Variants in ABTB2 observed in about 807,000 individuals in gnomAD.
The protein encoded by ABTB2 is ankyrin repeat and BTB domain containing 2.
In ABTB2, 56 loss-of-function variants were observed where a neutral mutation model predicts 104.1. That is an observed-to-expected ratio of 0.54 (90% CI 0.43 to 0.67). The LOEUF (loss-of-function observed/expected upper bound fraction) is 0.67, where lower values mean the gene tolerates loss of function less well. Among genes scored for constraint, ABTB2 ranks in the 30% least tolerant of loss-of-function variants. The pLI is 0.00. For missense variants in ABTB2, 1,279 were observed against 1,407.7 expected (o/e 0.91, Z 1.46); for synonymous variants, 606 against 608.2 (o/e 1.00, Z 0.05).
intron 14 of ABTB2, among the ~76,000 whole-genome samples, chr11:34,158,077 T>C (rs1439128950): frequency 1.3e-5 from 2 of 152,244 alleles, no homozygotes; most frequent in Non-Finnish European, 2.9e-5. Context: ...CTTAGAACCC[T>C]GCCTGCCTAA....
At chr11:34,272,397 G>C (rs1204027882) in intron 1 of ABTB2, among the ~76,000 whole-genome samples, 2 of 147,864 alleles carry the variant, frequency 1.4e-5, no homozygotes, top group African/African-American at 4.9e-5. Context: ...GAGTATAATA[G>C]CAAAACTAAA....
chr11:34,293,271 T>C (rs2133094082), intron 1 of ABTB2, among the ~76,000 whole-genome samples: 2 of 151,152 alleles, frequency 1.3e-5, no homozygotes, highest in East Asian at 3.9e-4. Flanking sequence ...AGGACTGCAG[T>C]TCTGGGCAGG....
chr11:34,213,970 A>G (rs536998400), intron 1 of ABTB2, among the ~76,000 whole-genome samples: 1 of 152,230 alleles, frequency 6.6e-6, no homozygotes, highest in South Asian at 2.1e-4. Context: ...GAACTTAGTG[A>G]CCCAGGGAGC....
intron 1 of ABTB2, among the ~76,000 whole-genome samples, chr11:34,271,025 T>C (rs1590236254): frequency 6.6e-6 from 1 of 151,850 alleles, no homozygotes; most frequent in African/African-American, 2.4e-5. Context: ...GATGGGTGGG[T>C]TTTTGATGGA....
intron 1 of ABTB2, among the ~76,000 whole-genome samples, chr11:34,346,273 A>ATT (rs35741960): frequency 4.6e-5 from 7 of 150,846 alleles, no homozygotes; most frequent in East Asian, 3.9e-4. Flanking sequence ...AGCATATTTA[A>ATT]TTTTTTTTTT....
chr11:34,238,598 A>G (rs1265802716), intron 1 of ABTB2, among the ~76,000 whole-genome samples: 1 of 152,182 alleles, frequency 6.6e-6, no homozygotes. Flanking sequence ...TACTCAACAT[A>G]TATGAGCCAT....
In ABTB2 at chr11:34,202,473, G is replaced by A. The variant is rs568803606; in HGVS notation, c.1030+2071C>T. 1.2e-4 allele frequency among the ~76,000 whole-genome samples: 18 copies of A among 152,262 alleles called. No homozygotes were observed. In the East Asian group the frequency reaches 2.5e-3, roughly 21 times the overall value. ...GATTTTGGATTTTACCGAGTGAGCCGGGAAGCCATTGTCGGGGGATAGAGG... is the reference window on the plus strand; with the variant it reads ...GATTTTGGATTTTACCGAGTGAGCCAGGAAGCCATTGTCGGGGGATAGAGG... On this transcript the variant is annotated intron_variant, in intron 2 of 16. Coordinates refer to ENST00000435224, the MANE Select transcript of ABTB2 (RefSeq NM_145804.3).
chr11:34,294,395 G>T (rs1162860708), intron 1 of ABTB2, among the ~76,000 whole-genome samples: 2 of 152,188 alleles, frequency 1.3e-5, no homozygotes, highest in Non-Finnish European at 2.9e-5. Flanking sequence ...TACACAACTT[G>T]TTGATACCAT....
chr11:34,245,274 C>G (rs1358032792), intron 1 of ABTB2, among the ~76,000 whole-genome samples: 2 of 152,188 alleles, frequency 1.3e-5, no homozygotes, highest in Non-Finnish European at 2.9e-5. Flanking sequence ...ACACTGCCAC[C>G]CTGGCGAGAG....
intron 1 of ABTB2, among the ~76,000 whole-genome samples, chr11:34,316,747 C>T (rs1854935865): frequency 6.6e-6 from 1 of 152,186 alleles, no homozygotes; most frequent in South Asian, 2.1e-4. Context: ...AACAACTGCA[C>T]ACACAGAGTT....
Position 34,160,230 on chromosome 11 carries a change from C to T in ABTB2, c.2503+18G>A, listed in dbSNP as rs1852690531. 6.3e-7 allele frequency: 1 copy of T among 1,592,508 alleles called. No homozygotes were observed. The highest frequency in any genetic ancestry group is 1.1e-5 in the South Asian group (1 of 90,590). On this transcript the variant is annotated intron_variant, in intron 12 of 16. Coordinates refer to ENST00000435224, the MANE Select transcript of ABTB2 (RefSeq NM_145804.3). ...GGAGGACGTGTGGTGATGCAGGGCG[C>T]AGGGGGCGCGCCTTCACCTAGCCTG...
Position 34,162,649 on chromosome 11 carries a change from C to T in ABTB2, c.2145G>A (p.Lys715=). 1 of 1,613,538 alleles carries T rather than the reference C, an allele frequency of 6.2e-7. No individual in the cohort carries two copies. Among genetic ancestry groups the T allele is most frequent in the South Asian group, 1.1e-5 (1 of 91,078 alleles). Reference sequence around the variant, plus strand: ...TGTAGTACATGGCCTCCTGTAGGGCCTTGGTGCGGGTCCGGCTCAGCCGCA... The same window carrying T: ...TGTAGTACATGGCCTCCTGTAGGGCTTTGGTGCGGGTCCGGCTCAGCCGCA... ...GPVRLSRTRT[K]ALQEAMYYSA... is the part of the protein sequence containing the mutation. The change falls in exon 10 of 17, where the codon AAG becomes AAA. Residue 715 remains lysine (K), a synonymous_variant. Coordinates refer to ENST00000435224, the MANE Select transcript of ABTB2 (RefSeq NM_145804.3).
intron 3 of ABTB2, among the ~76,000 whole-genome samples, chr11:34,190,314 C>G (rs1232353037): frequency 7.3e-6 from 1 of 136,332 alleles, no homozygotes; most frequent in Non-Finnish European, 1.5e-5. Context: ...GGGTAAATGA[C>G]ATGCCTGAGG....
chr11:34,164,859 C>T, intron 8 of ABTB2, 38 bp from the exon 9 acceptor site: 1 of 1,569,144 alleles, frequency 6.4e-7, no homozygotes, highest in Non-Finnish European at 8.6e-7. Flanking sequence ...GACACTGAGA[C>T]AGTAGCCGCC....
At chr11:34,181,354 C>T (rs372395326) in intron 3 of ABTB2, among the ~76,000 whole-genome samples, 115 of 152,294 alleles carry the variant, frequency 7.6e-4, no homozygotes, top group African/African-American at 2.6e-3. Context: ...ACAGGAAACC[C>T]CTCCAGTTTC....
rs138097479 is a variant in ABTB2, at chr11:34,205,422, G to C, written c.884-732C>G. ...GTAAATTTCTCCAACTCACTATGTG[G>C]CTTCTTAGAAAGCACCAGAAAAGTG... On this transcript the variant is annotated intron_variant, in intron 1 of 16. Transcript: ENST00000435224. 3.3e-5 allele frequency among the ~76,000 whole-genome samples: 5 copies of C among 152,316 alleles called. No individual in the cohort carries two copies. The East Asian group carries it at 9.6e-4, about 29-fold the overall frequency.
chr11:34,316,955 C>T (rs764488876), intron 1 of ABTB2, among the ~76,000 whole-genome samples: 11 of 152,182 alleles, frequency 7.2e-5, no homozygotes, highest in East Asian at 1.9e-4. Flanking sequence ...AAGATCTGGA[C>T]GAAACACTCC....
chr11:34,213,694 C>T (rs1421013905), intron 1 of ABTB2, among the ~76,000 whole-genome samples: 1 of 152,126 alleles, frequency 6.6e-6, no homozygotes, highest in Non-Finnish European at 1.5e-5. Flanking sequence ...TAATAAAATG[C>T]CATCTGCTCA....
chr11:34,176,857 G>A (rs1852966336), intron 3 of ABTB2, among the ~76,000 whole-genome samples: 1 of 152,168 alleles, frequency 6.6e-6, no homozygotes, highest in Non-Finnish European at 1.5e-5. Context: ...ATCTTGTGTA[G>A]TCTAGGAAGA....
Sources: allele counts gnomAD v4.1 joint callset (sites outside exome capture counted in the v4.1 genomes callset), GRCh38; gene constraint gnomAD v4.1.1; transcripts MANE v1.5; gene names NCBI Gene and HGNC (gene_info 2026-07-23, HGNC 2026-07-21).